Variants in PCM1 observed in about 807,000 individuals in gnomAD.
The protein encoded by PCM1 is pericentriolar material 1 protein.
In PCM1, 157 loss-of-function variants were observed where a neutral mutation model predicts 241.9. That is an observed-to-expected ratio of 0.65 (90% CI 0.57 to 0.74). The LOEUF (loss-of-function observed/expected upper bound fraction) is 0.74, where lower values mean the gene tolerates loss of function less well. PCM1 is among the 30% of genes least tolerant of loss of function. PCM1 has a pLI of 0.00. For synonymous variants in PCM1, 1,085 were observed against 784.9 expected, an observed-to-expected ratio of 1.38 and a Z score of -6.39; for missense variants, 3,478 against 2,360.1, an observed-to-expected ratio of 1.47 and a Z score of -9.81.
At position 17,986,477 on chromosome 8, in the gene PCM1, T is replaced by A. The variant is rs1320349857; in HGVS notation, c.4410+390T>A. ...ATACAGGATAAATCAGGTCTTTGGG[T>A]TAAAAAAAAAAAAAAAAGCCTAGAC... On this transcript the variant is annotated intron_variant, in intron 26 of 38. Coordinates refer to ENST00000325083, the MANE Select transcript of PCM1 (RefSeq NM_006197.4). Among the ~76,000 whole-genome samples the A allele has an allele frequency of 2.1e-5, 3 of 145,448 alleles. No homozygotes were observed. In the East Asian group the frequency reaches 5.9e-4, roughly 29 times the overall value.
At chr8:17,931,304 T>G (rs2058954236) in intron 2 of PCM1, among the ~76,000 whole-genome samples, 1 of 152,146 alleles carries the variant, frequency 6.6e-6, no homozygotes, top group African/African-American at 2.4e-5. Context: ...TTCTTTTTTT[T>G]TTTTGAGATG....
At chr8:18,011,895 A>C in intron 34 of PCM1, 68 bp downstream of exon 34, 1 of 1,342,528 alleles carries the variant, frequency 7.4e-7, no homozygotes, top group Non-Finnish European at 1.0e-6. Flanking sequence ...CATCAGCCTT[A>C]TTTTAACTAA....
Position 17,929,476 on chromosome 8 carries a change from G to A in PCM1, c.-23+4696G>A, listed in dbSNP as rs539027919. ...AGAGATAGATCGCTATTTGTCAACC[G>A]GACAATTTTATTGGGTGTATTATAG... On this transcript the variant is annotated intron_variant, in intron 2 of 38. Coordinates refer to ENST00000325083, the MANE Select transcript of PCM1 (RefSeq NM_006197.4). Among the ~76,000 whole-genome samples the A allele has an allele frequency of 9.2e-5, 14 of 152,230 alleles. No individual in the cohort carries two copies. In the South Asian group the frequency reaches 1.2e-3, roughly 14 times the overall value.
chr8:17,939,005 G>A lies in PCM1; in HGVS notation c.608G>A (p.Ser203Asn). ...AGGGGAGAACCTGCAATGGAGAGCAGCCAGGTGATAACGTTTGTTTCTTTT... is the reference window on the plus strand; with the variant it reads ...AGGGGAGAACCTGCAATGGAGAGCAACCAGGTGATAACGTTTGTTTCTTTT... ...DGRGEPAMESSQIVSRLVQIR... is the reference protein window; with the variant it reads ...DGRGEPAMESNQIVSRLVQIR... The change falls in exon 5 of 39, where the codon AGC becomes AAC. Residue 203 changes from serine (S) to asparagine (N), a missense_variant. Transcript: ENST00000325083. The A allele has an allele frequency of 6.2e-7, 1 of 1,613,478 alleles. No homozygotes were observed. Among genetic ancestry groups the A allele is most frequent in the Non-Finnish European group, 8.5e-7 (1 of 1,179,480 alleles).
rs530872565 is a variant in PCM1, at chr8:17,948,944, T to A, written c.961+1581T>A. Among the ~76,000 whole-genome samples, 36 of 152,334 alleles carry A rather than the reference T, an allele frequency of 2.4e-4. 1 individual carries two copies. In the South Asian group the frequency reaches 7.5e-3, roughly 32 times the overall value. On this transcript the variant is annotated intron_variant, in intron 7 of 38. Transcript: ENST00000325083. ...AGAGCTTTAATTCTTATTTCTGTTTTATAGAGAAGGAACTCTACAGAGTTT... is the reference window on the plus strand; with the variant it reads ...AGAGCTTTAATTCTTATTTCTGTTTAATAGAGAAGGAACTCTACAGAGTTT...
chr8:18,017,904 A>T (rs915078955), intron 36 of PCM1, among the ~76,000 whole-genome samples: 2 of 152,166 alleles, frequency 1.3e-5, no homozygotes, highest in Non-Finnish European at 2.9e-5. Flanking sequence ...AATCAACACC[A>T]ATGGGACATC....
chr8:17,940,767 G>A (rs1458818657), intron 6 of PCM1, among the ~76,000 whole-genome samples: 2 of 152,276 alleles, frequency 1.3e-5, no homozygotes, highest in South Asian at 4.1e-4. Flanking sequence ...CTGAAGAATA[G>A]TAATTTACAG....
At chr8:17,998,795 T>C (rs1444054194) in intron 29 of PCM1, among the ~76,000 whole-genome samples, 1 of 151,930 alleles carries the variant, frequency 6.6e-6, no homozygotes, top group Non-Finnish European at 1.5e-5. Flanking sequence ...CCCTAATGGG[T>C]CCACAGATAC....
At chr8:17,931,562 AT>A (rs970868421) in intron 2 of PCM1, among the ~76,000 whole-genome samples, 1 of 152,198 alleles carries the variant, frequency 6.6e-6, no homozygotes, top group African/African-American at 2.4e-5. Context: ...TTCTTAATAC[AT>A]TTATCTTACT....
chr8:18,015,524 A>G (rs115001647), intron 36 of PCM1, among the ~76,000 whole-genome samples: 2 of 152,110 alleles, frequency 1.3e-5, no homozygotes, highest in Non-Finnish European at 2.9e-5. Context: ...GTACTTGATA[A>G]AAGACAATTT....
chr8:18,008,095 T>C (rs1007047178), intron 30 of PCM1, among the ~76,000 whole-genome samples: 6 of 152,162 alleles, frequency 3.9e-5, no homozygotes, highest in African/African-American at 1.2e-4. Flanking sequence ...ATCAGAAGTT[T>C]GGGATCATTT....
At chr8:17,947,057 TACTAA>T in intron 6 of PCM1, 124 bp from the exon 7 acceptor site, 1 of 557,680 alleles carries the variant, frequency 1.8e-6, no homozygotes, top group South Asian at 3.1e-5. Flanking sequence ...TCTTGATGTC[TACTAA>T]AACTATATTT....
Position 18,009,709 on chromosome 8 carries a change from G to C in PCM1, c.5125G>C (p.Glu1709Gln), listed in dbSNP as rs1176828889. The change falls in exon 31 of 39, where the codon GAA (glutamate) becomes CAA (glutamine). Residue 1709 changes from glutamate (E) to glutamine (Q), a missense_variant. Glu to Gln is a conservative substitution (Grantham distance 29, BLOSUM62 2). Transcript: ENST00000325083. Reference protein sequence around the residue: ...TVKQRCKRKIEATGVIQSCAK... With the variant: ...TVKQRCKRKIQATGVIQSCAK... ...TAAACAGAGATGCAAAAGGAAAATAGAAGCAACTGGAGTGATACAATCTTG... is the reference window on the plus strand; with the variant it reads ...TAAACAGAGATGCAAAAGGAAAATACAAGCAACTGGAGTGATACAATCTTG... The C allele has an allele frequency of 1.3e-6, 2 of 1,508,068 alleles. No individual in the cohort carries two copies. Among genetic ancestry groups the C allele is most frequent in the Non-Finnish European group, 1.8e-6 (2 of 1,129,916 alleles). The allele number at this position is 1,508,068 out of a possible 1,614,324, so 93.4% of individuals were successfully genotyped here. A position where few individuals can be genotyped will look rare whatever the true frequency, so the allele number is the denominator to read the frequency against.
At chr8:18,017,363 T>TA (rs933378708) in intron 36 of PCM1, among the ~76,000 whole-genome samples, 17 of 152,228 alleles carry the variant, frequency 1.1e-4, no homozygotes, top group Non-Finnish European at 2.2e-4. Flanking sequence ...GTGACTTGAT[T>TA]AAAAAACACA....
At position 18,028,615 on chromosome 8, in the gene PCM1, G is replaced by GAAGT. The variant is rs1255713569; in HGVS notation, c.*955_*958dup. ...GTGAGGTTGAAGCAGATTTGCAGGT[G>GAAGT]AAGTATTGAAAGTTTATGTGACTTT... is the stretch of plus-strand genomic sequence containing the variant. On this transcript the variant is annotated 3_prime_UTR_variant, in exon 39 of 39. Transcript: ENST00000325083. 1 of 207,426 alleles carries GAAGT rather than the reference G, an allele frequency of 4.8e-6. No homozygotes were observed. The allele number at this position is 207,426 out of a possible 1,614,324, so 12.8% of individuals were successfully genotyped here.
intron 26 of PCM1, among the ~76,000 whole-genome samples, chr8:17,988,205 T>TA (rs200888603): frequency 0.037 from 4,183 of 111,958 alleles, 200 homozygotes; most frequent in African/African-American, 0.11. Flanking sequence ...CTTGAAACAG[T>TA]AAAAAAAATG....
At position 17,957,413 on chromosome 8, in the gene PCM1, C is replaced by G; in HGVS notation, c.1796C>G (p.Pro599Arg). The change falls in exon 12 of 39, where the codon CCT becomes CGT. Residue 599 changes from proline (P) to arginine (R), a missense_variant. Coordinates refer to ENST00000325083, the MANE Select transcript of PCM1 (RefSeq NM_006197.4). ...AACATAAGGGCTCTAAACATGCCTC[C>G]TTCTTTAGGTATGACTGACTGTATT... is the stretch of plus-strand genomic sequence containing the variant. ...AANIRALNMP[P>R]SLDCRYNREG... The G allele has an allele frequency of 6.2e-7, 1 of 1,612,246 alleles. No homozygotes were observed. The highest frequency in any genetic ancestry group is 1.7e-5 in the Admixed American group (1 of 60,012).
chr8:18,021,449 C>G (rs2093746528), intron 36 of PCM1, among the ~76,000 whole-genome samples: 1 of 152,196 alleles, frequency 6.6e-6, no homozygotes, highest in Non-Finnish European at 1.5e-5. Flanking sequence ...TCAGTACATT[C>G]TTGCGGTAGT....
Position 17,956,616 on chromosome 8 carries a change from A to T in PCM1, c.1485A>T (p.Glu495Asp). 7 of 1,586,226 alleles carry T rather than the reference A, an allele frequency of 4.4e-6. No individual in the cohort carries two copies. The highest frequency in any genetic ancestry group is 5.2e-6 in the Non-Finnish European group (6 of 1,165,046). ...NPSEKLQKLN[E>D]VRKRLNELRE... The stretch of plus-strand genomic sequence containing the variant: ...TTTTGTTTATCAGGAAGTTAAATGA[A>T]GTTCGAAAGAGATTGAATGAGCTAA... Residue 495 changes from glutamate to aspartate, a missense_variant, in exon 11 of 39, where the codon GAA becomes GAT. Glu to Asp is a conservative substitution (Grantham distance 45). Transcript: ENST00000325083.
Sources: gnomAD v4.1 joint callset for allele counts (sites outside exome capture counted in the v4.1 genomes callset) on GRCh38, gnomAD v4.1.1 for gene constraint, MANE v1.5 for transcripts, NCBI Gene and HGNC (gene_info 2026-07-23, HGNC 2026-07-21) for gene names.